SVEP1: variants seen among roughly 807,000 people sequenced by gnomAD.
The protein encoded by SVEP1 is sushi, von Willebrand factor type A, EGF and pentraxin domain-containing protein 1.
A neutral mutation model predicts 367.3 loss-of-function variants in SVEP1; 164 were observed. That is an observed-to-expected ratio of 0.45 (90% CI 0.39 to 0.51). The LOEUF is 0.51. Among genes scored for constraint, SVEP1 ranks in the 20% least tolerant of loss-of-function variants. SVEP1 has a pLI of 0.00. For synonymous variants in SVEP1, 1,666 were observed against 1,611.6 expected (o/e 1.03, Z -0.81); for missense variants, 4,117 against 4,425.3 (o/e 0.93, Z 1.98).
chr9:110,466,669 G>A (rs1467403077), intron 17 of SVEP1, among the ~76,000 whole-genome samples: 2 of 143,892 alleles, frequency 1.4e-5, no homozygotes, highest in African/African-American at 5.1e-5. Flanking sequence ...GCTGAGGCAG[G>A]AGAATGGCGT....
At position 110,441,853 on chromosome 9, in the gene SVEP1, C is replaced by T. The variant is rs528552418; in HGVS notation, c.4639+1692G>A. Among the ~76,000 whole-genome samples, 189 of 152,296 alleles carry T rather than the reference C, an allele frequency of 1.2e-3. 1 individual carries two copies. Among genetic ancestry groups the T allele is most frequent in the Non-Finnish European group, 1.1e-3 (76 of 68,020 alleles). On this transcript the variant is annotated intron_variant, in intron 27 of 47. Coordinates refer to ENST00000374469, the MANE Select transcript of SVEP1 (RefSeq NM_153366.4). ...TGACAGAACCACCTAAGCTACCCTTCCTGCCATCTCCCCCATCCATCTTAA... is the reference window on the plus strand; with the variant it reads ...TGACAGAACCACCTAAGCTACCCTTTCTGCCATCTCCCCCATCCATCTTAA...
rs1399260611 is a variant in SVEP1, at chr9:110,434,496, G to A, written c.4899C>T (p.Arg1633=). The change falls in exon 30 of 48, where the codon CGC becomes CGT. Residue 1633 remains arginine, a synonymous_variant. Coordinates refer to ENST00000374469, the MANE Select transcript of SVEP1 (RefSeq NM_153366.4). ...SKSIFCSDCP[R]LGGSVPHLRT... ...TCAGATGAGGCACTGACCCTCCTAA[G>A]CGTGGGCAATCTGAGGGCAAAGAAC... 1 of 1,612,758 alleles carries A rather than the reference G, an allele frequency of 6.2e-7. No homozygotes were observed. The highest frequency in any genetic ancestry group is 8.5e-7 in the Non-Finnish European group (1 of 1,179,568).
intron 27 of SVEP1, among the ~76,000 whole-genome samples, chr9:110,437,704 AGTG>A (rs1401804573): frequency 2.0e-5 from 3 of 151,830 alleles, no homozygotes; most frequent in African/African-American, 4.8e-5. Flanking sequence ...TAACTTCTTT[AGTG>A]GTGATTTCTG....
chr9:110,469,908 G>A (rs1392044704), intron 16 of SVEP1, among the ~76,000 whole-genome samples: 4 of 152,120 alleles, frequency 2.6e-5, no homozygotes, highest in Non-Finnish European at 5.9e-5. Context: ...ACAAATGCAG[G>A]CTTAGAACAA....
Position 110,450,174 on chromosome 9 carries a change from A to T in SVEP1, c.3988T>A (p.Leu1330Met), listed in dbSNP as rs10817021. Reference sequence around the variant, plus strand: ...AAAAATCCAGGTGGGCATTTGCACAAGAATCCCCCAACCTGGTCTTCACAG... The same window carrying T: ...AAAAATCCAGGTGGGCATTTGCACATGAATCCCCCAACCTGGTCTTCACAG... ...AVCEDQVGGF[L>M]CKCPPGFLGT... The change falls in exon 24 of 48, where the codon TTG (leucine) becomes ATG (methionine). Residue 1330 changes from leucine (L) to methionine (M), a missense_variant. Transcript: ENST00000374469. 249,172 of 1,613,822 alleles carry T rather than the reference A, an allele frequency of 0.15. 20,994 individuals carry two copies. Among genetic ancestry groups the T allele is most frequent in the South Asian group, 0.22 (19,815 of 91,082 alleles).
In SVEP1 at chr9:110,408,569, A is replaced by G. The variant is rs764705619; in HGVS notation, c.7031T>C (p.Val2344Ala). The stretch of plus-strand genomic sequence containing the variant: ...CCCTTCTTTACAGGAAAATGTCACA[A>G]CTCCTACCTCGGTGGTCAACTCCTT... ...VLKELTTEVG[V>A]VTFSCKEGHV... is the part of the protein sequence containing the mutation. The change falls in exon 38 of 48, where the codon GTT (valine) becomes GCT (alanine). Residue 2344 changes from valine to alanine, a missense_variant. By Grantham distance (64) the Val-to-Ala change is moderately conservative (BLOSUM62 0). This residue lies in a region of SVEP1 where 1,765 missense variants were observed against 1,781.1 expected (regional missense o/e 0.99). Coordinates refer to ENST00000374469, the MANE Select transcript of SVEP1 (RefSeq NM_153366.4). 2 of 1,612,792 alleles carry G rather than the reference A, an allele frequency of 1.2e-6. No homozygotes were observed. Among genetic ancestry groups the G allele is most frequent in the Non-Finnish European group, 8.5e-7 (1 of 1,179,520 alleles).
rs754739184 is a variant in SVEP1, at chr9:110,503,200, G to A, written c.1321C>T (p.Leu441Phe). The change falls in exon 6 of 48, where the codon CTC (leucine) becomes TTC (phenylalanine). Residue 441 changes from leucine (L) to phenylalanine (F), a missense_variant. Coordinates refer to ENST00000374469, the MANE Select transcript of SVEP1 (RefSeq NM_153366.4). ...SYCRVRTCPH[L>F]RQPKHGHISC... ...ATGTGGCCATGTTTCGGCTGGCGGA[G>A]ATGAGGACATGTTCTTACTATGTAA... The A allele has an allele frequency of 6.2e-7, 1 of 1,613,136 alleles. No individual in the cohort carries two copies. The highest frequency in any genetic ancestry group is 1.1e-5 in the South Asian group (1 of 90,758).
At chr9:110,504,093 T>G (rs1829584508) in intron 5 of SVEP1, among the ~76,000 whole-genome samples, 1 of 152,006 alleles carries the variant, frequency 6.6e-6, no homozygotes, top group Non-Finnish European at 1.5e-5. Context: ...CTCACTCTGC[T>G]GCCCAGGCTG....
intron 43 of SVEP1, among the ~76,000 whole-genome samples, chr9:110,383,276 T>TTGTTGC (rs151195693): frequency 0.08 from 12,249 of 152,184 alleles, 959 homozygotes; most frequent in African/African-American, 0.21. Context: ...GCTGTTGTTG[T>TTGTTGC]TGTTGCTGCT....
chr9:110,570,413 A>G lies in SVEP1; in HGVS notation c.531+8600T>C, dbSNP rs550531425. Among the ~76,000 whole-genome samples, 4 of 151,894 alleles carry G rather than the reference A, an allele frequency of 2.6e-5. No homozygotes were observed. In the South Asian group the frequency reaches 8.3e-4, roughly 32 times the overall value. ...CATCTTTTATTTGTGAGTGAATTTC[A>G]TATTATTTAGAAGCTTCTGACTTCT... On this transcript the variant is annotated intron_variant, in intron 1 of 47. Coordinates refer to ENST00000374469, the MANE Select transcript of SVEP1 (RefSeq NM_153366.4).
rs749269448 is a variant in SVEP1, at chr9:110,429,974, T to C, written c.5561A>G (p.Glu1854Gly). 5.0e-6 allele frequency: 8 copies of C among 1,612,866 alleles called. No homozygotes were observed. The highest frequency in any genetic ancestry group is 6.8e-6 in the Non-Finnish European group (8 of 1,179,768). Residue 1854 changes from glutamate (E) to glycine (G), a missense_variant, in exon 34 of 48, where the codon GAA becomes GGA. Physicochemically the swap from Glu to Gly is moderately conservative, Grantham distance 98. This residue lies in a region of SVEP1 where 2,174 missense variants were observed against 2,494.3 expected (regional missense o/e 0.87). Transcript: ENST00000374469. ...TGCTAACTCCTCAATGCAACCATTT[T>C]CTGGAATAGCCGGTTTACCACATGA... Reference protein sequence around the residue: ...AVSCGKPAIPENGCIEELAFT... With the variant: ...AVSCGKPAIPGNGCIEELAFT...
intron 16 of SVEP1, among the ~76,000 whole-genome samples, chr9:110,469,508 C>T (rs1399714648): frequency 1.3e-5 from 2 of 152,192 alleles, no homozygotes; most frequent in Non-Finnish European, 2.9e-5. Context: ...TTAGTTGTTT[C>T]TCTGAATGCT....
At chr9:110,380,587 G>C (rs536600414) in intron 43 of SVEP1, among the ~76,000 whole-genome samples, 1 of 152,254 alleles carries the variant, frequency 6.6e-6, no homozygotes, top group African/African-American at 2.4e-5. Flanking sequence ...TGCTGGATTC[G>C]GTTCTCCGGT....
At chr9:110,495,076 G>A (rs779320728) in intron 8 of SVEP1, among the ~76,000 whole-genome samples, 3 of 152,002 alleles carry the variant, frequency 2.0e-5, no homozygotes, top group Non-Finnish European at 4.4e-5. Context: ...CTTTAGTTAC[G>A]CTTCAGGTTT....
Position 110,447,028 on chromosome 9 carries a change from G to C in SVEP1, c.4133C>G (p.Ser1378Ter). The stretch of plus-strand genomic sequence containing the variant: ...TTCATTGATGTTCAATTCACAGTGT[G>C]ATCCTGTGAAGCCAGCTGCACACAG... ...RCLCAAGFTG[S>*]HCELNINECQ... The change falls in exon 25 of 48, where the codon TCA becomes TGA. Residue 1378 changes from serine (S) to a stop codon, truncating the protein, a stop_gained. Transcript: ENST00000374469. LOFTEE classifies it high-confidence loss of function. The C allele has an allele frequency of 6.5e-7, 1 of 1,533,580 alleles. No homozygotes were observed. The highest frequency in any genetic ancestry group is 8.8e-7 in the Non-Finnish European group (1 of 1,140,682). 95.0% of individuals were successfully genotyped at this position (1,533,580 alleles called of 1,614,324 possible). A position where few individuals can be genotyped will look rare whatever the true frequency, so the allele number is the denominator to read the frequency against.
rs374088407 is a variant in SVEP1, at chr9:110,401,088, T to C, written c.9667-79A>G. On this transcript the variant is annotated intron_variant, in intron 39 of 47. Transcript: ENST00000374469. ...TGAAGAAATTTGCAAATATTGGTTA[T>C]TTGCAGAATAATCTCCAAAATGATA... is the stretch of plus-strand genomic sequence containing the variant. 3.8e-4 allele frequency: 584 copies of C among 1,540,536 alleles called. 3 individuals carry two copies. The South Asian group carries it at 6.3e-3, about 17-fold the overall frequency.
chr9:110,526,276 C>T (rs762386007), intron 3 of SVEP1, among the ~76,000 whole-genome samples: 3 of 152,044 alleles, frequency 2.0e-5, no homozygotes, highest in Non-Finnish European at 4.4e-5. Context: ...TTTCAACCTA[C>T]ATATCTGACA....
chr9:110,499,093 T>C lies in SVEP1; in HGVS notation c.1629A>G (p.Arg543=). 6.2e-7 allele frequency: 1 copy of C among 1,613,740 alleles called. No homozygotes were observed. The highest frequency in any genetic ancestry group is 1.3e-5 in the African/African-American group (1 of 75,012). ...CATTCCATTTTCCAGAAGTGGTACA[T>C]CTCAGCATTTCTTTGACTCCAGATA... ...FILSGVKEML[R]CTTSGKWNVG... is the part of the protein sequence containing the mutation. The change falls in exon 7 of 48, where the codon AGA becomes AGG. Residue 543 remains arginine, a synonymous_variant. Transcript: ENST00000374469.
chr9:110,551,456 T>C (rs1352154884), intron 1 of SVEP1, among the ~76,000 whole-genome samples: 2 of 152,164 alleles, frequency 1.3e-5, no homozygotes, highest in Non-Finnish European at 2.9e-5. Context: ...CCTCCAGAAA[T>C]ATCTGGAAAG....
Sources: allele counts gnomAD v4.1 joint callset (sites outside exome capture counted in the v4.1 genomes callset), GRCh38; gene constraint gnomAD v4.1.1; regional missense constraint gnomAD v4.1.1; transcripts MANE v1.5; gene names NCBI Gene and HGNC (gene_info 2026-07-23, HGNC 2026-07-21).